NOTCH2: variants seen among roughly 807,000 people sequenced by gnomAD.
The protein encoded by NOTCH2 is neurogenic locus notch homolog protein 2.
Under a neutral mutation model 235.8 loss-of-function variants are expected in NOTCH2, and 29 were observed. That is an observed-to-expected ratio of 0.12 (90% CI 0.09 to 0.17). NOTCH2 has a LOEUF of 0.17. Ranked by LOEUF, NOTCH2 falls within the 10% of genes least tolerant of loss-of-function variation. The pLI is 1.00. For synonymous variants in NOTCH2, 1,086 were observed against 1,141.5 expected (o/e 0.95, Z 0.98); for missense variants, 2,285 against 3,150.2 (o/e 0.73, Z 6.57).
At chr1:119,967,866 C>CAT in intron 7 of NOTCH2, among the ~76,000 whole-genome samples, 1 of 152,252 alleles carries the variant, frequency 6.6e-6, no homozygotes, top group Non-Finnish European at 1.5e-5. Context: ...TATTAAGAAT[C>CAT]AAGTACATAC....
chr1:119,991,832 A>C (rs1652258553), intron 4 of NOTCH2, among the ~76,000 whole-genome samples: 1 of 128,308 alleles, frequency 7.8e-6, no homozygotes. Context: ...GTCTCAAAAA[A>C]AAAAAAAAAA....
At chr1:119,936,542 C>A (rs1451241590) in intron 21 of NOTCH2, among the ~76,000 whole-genome samples, 1 of 152,134 alleles carries the variant, frequency 6.6e-6, no homozygotes, top group Admixed American at 6.5e-5. Flanking sequence ...TTGGGTTTGG[C>A]ACTGGTAGGC....
At chr1:119,980,852 T>G (rs1553201563) in intron 5 of NOTCH2, among the ~76,000 whole-genome samples, 1 of 152,210 alleles carries the variant, frequency 6.6e-6, no homozygotes, top group African/African-American at 2.4e-5. Context: ...GGCAAGCTTC[T>G]AAGGCTGTAC....
rs587652698 is a variant in NOTCH2 at position 120,053,637 on chromosome 1, T to C, written c.73+15697A>G. ...TGAAGTTACTAGACAATAGTACTTT[T>C]AGTCTACTCTTTAGGTGATCCATAA... is the stretch of plus-strand genomic sequence containing the variant. On this transcript the variant is annotated intron_variant, in intron 1 of 33. Transcript: ENST00000256646. Among the ~76,000 whole-genome samples, 1,141 of 140,146 alleles carry C rather than the reference T, an allele frequency of 8.1e-3. 22 individuals are homozygous for C. Among genetic ancestry groups the C allele is most frequent in the Non-Finnish European group, 0.011 (717 of 66,330 alleles). 91.9% of individuals were successfully genotyped at this position (140,146 alleles called of 152,430 possible).
intron 19 of NOTCH2, among the ~76,000 whole-genome samples, chr1:119,939,024 G>A (rs1557813035): frequency 6.6e-6 from 1 of 152,148 alleles, no homozygotes; most frequent in Non-Finnish European, 1.5e-5. Flanking sequence ...TCAGGTTCAT[G>A]AGTGGCCAGA....
rs1553194829 is a variant in NOTCH2, at chr1:119,929,205, G to C, written c.3663C>G (p.Leu1221=). ...CSCPPGTRGL[L]CEENIDDCAR... is the part of the protein sequence containing the mutation. The stretch of plus-strand genomic sequence containing the variant: ...CACAGTCATCAATGTTCTCTTCACA[G>C]AGTAGGCCTGGAGGAAAGAGAAGAG... The change falls in exon 23 of 34, where the codon CTC becomes CTG. Residue 1221 remains leucine (L), a synonymous_variant. Coordinates refer to ENST00000256646, the MANE Select transcript of NOTCH2 (RefSeq NM_024408.4). 1.2e-6 allele frequency: 2 copies of C among 1,613,130 alleles called. No individual in the cohort carries two copies. Among genetic ancestry groups the C allele is most frequent in the Non-Finnish European group, 1.7e-6 (2 of 1,179,028 alleles).
chr1:120,048,048 T>C (rs1178898952), intron 1 of NOTCH2, among the ~76,000 whole-genome samples: 5 of 152,014 alleles, frequency 3.3e-5, no homozygotes, highest in Admixed American at 6.5e-5. Flanking sequence ...TTAACAGGCA[T>C]GAGCCACCAT....
chr1:120,066,355 G>T (rs1570801333), intron 1 of NOTCH2, among the ~76,000 whole-genome samples: 1 of 148,090 alleles, frequency 6.8e-6, no homozygotes, highest in Admixed American at 6.7e-5. Context: ...AAAAAATATG[G>T]ATTCTCAAAC....
chr1:119,967,353 T>C (rs1382130282), intron 8 of NOTCH2, 80 bp downstream of exon 8: 4 of 1,229,084 alleles, frequency 3.3e-6, no homozygotes, highest in Non-Finnish European at 4.8e-6. Flanking sequence ...CAGACTGCAA[T>C]AGTATACTGA....
intron 17 of NOTCH2, among the ~76,000 whole-genome samples, chr1:119,946,602 C>CA (rs1650262440): frequency 6.6e-6 from 1 of 151,776 alleles, no homozygotes; most frequent in African/African-American, 2.4e-5. Flanking sequence ...AATTGCACAC[C>CA]AAAAAATCAA....
chr1:119,964,792 A>G (rs1553199460), intron 10 of NOTCH2, among the ~76,000 whole-genome samples: 1 of 152,208 alleles, frequency 6.6e-6, no homozygotes, highest in African/African-American at 2.4e-5. Flanking sequence ...TTTCTGTATA[A>G]TATTTGCCTG....
rs1264077860 is a variant in NOTCH2 at position 119,916,039 on chromosome 1, T to G, written c.6683A>C (p.His2228Pro). The stretch of plus-strand genomic sequence containing the variant: ...GCCACTGCCTGGAGACACAATGTGG[T>G]GGTGGGATAGCAACTGGCTCACTGA... Reference protein sequence around the residue: ...LPSVSQLLSHHHIVSPGSGSA... With the variant: ...LPSVSQLLSHPHIVSPGSGSA... The change falls in exon 34 of 34, where the codon CAC becomes CCC. Residue 2228 changes from histidine (H) to proline (P), a missense_variant. Physicochemically the swap from His to Pro is moderately conservative, Grantham distance 77 (BLOSUM62 -2). Coordinates refer to ENST00000256646, the MANE Select transcript of NOTCH2 (RefSeq NM_024408.4). 6.2e-7 allele frequency: 1 copy of G among 1,613,782 alleles called. No homozygotes were observed. Among genetic ancestry groups the G allele is most frequent in the East Asian group, 2.2e-5 (1 of 44,874 alleles).
intron 4 of NOTCH2, among the ~76,000 whole-genome samples, chr1:119,987,753 T>C (rs1402217072): frequency 1.3e-5 from 2 of 152,188 alleles, no homozygotes; most frequent in African/African-American, 2.4e-5. Flanking sequence ...ATACAAATGT[T>C]AAAAGGTATC....
At position 119,949,408 on chromosome 1, in the gene NOTCH2, A is replaced by G. The variant is rs587745983; in HGVS notation, c.2480-282T>C. ...CTTTTTTTTTTTTTTTTTTTTTGAGACGGAGTCTCACTCTGACTCTCAGGC... is the reference window on the plus strand; with the variant it reads ...CTTTTTTTTTTTTTTTTTTTTTGAGGCGGAGTCTCACTCTGACTCTCAGGC... On this transcript the variant is annotated intron_variant, in intron 15 of 33. Coordinates refer to ENST00000256646, the MANE Select transcript of NOTCH2 (RefSeq NM_024408.4). Among the ~76,000 whole-genome samples the G allele has an allele frequency of 1.9e-4, 23 of 124,164 alleles. No individual in the cohort carries two copies. The South Asian group carries it at 5.5e-3, about 30-fold the overall frequency. The allele number at this position is 124,164 out of a possible 152,430, so 81.5% of individuals were successfully genotyped here.
At chr1:119,919,871 C>T (rs901240782) in intron 30 of NOTCH2, among the ~76,000 whole-genome samples, 8 of 152,164 alleles carry the variant, frequency 5.3e-5, no homozygotes, top group Non-Finnish European at 1.2e-4. Context: ...AGTTTAAGTG[C>T]TGTTATTTTA....
chr1:119,947,302 A>G (rs140381042), intron 17 of NOTCH2, among the ~76,000 whole-genome samples: 2 of 152,292 alleles, frequency 1.3e-5, no homozygotes, highest in African/African-American at 2.4e-5. Flanking sequence ...TAAAAATACA[A>G]AGAACTCTTT....
intron 11 of NOTCH2, 126 bp from the exon 12 acceptor site, chr1:119,959,628 G>A: frequency 1.4e-6 from 1 of 705,600 alleles, no homozygotes; most frequent in Non-Finnish European, 2.6e-6. Context: ...ACAGAATAAA[G>A]CAGAAGTTCT....
At chr1:119,922,609 T>C (rs1649325484) in intron 27 of NOTCH2, 27 bp downstream of exon 27, 3 of 1,613,500 alleles carry the variant, frequency 1.9e-6, no homozygotes, top group African/African-American at 1.3e-5. Flanking sequence ...CCCCGCCACC[T>C]TTCCCCTTTA....
chr1:119,970,143 G>A (rs372653674), intron 5 of NOTCH2, among the ~76,000 whole-genome samples: 62 of 151,972 alleles, frequency 4.1e-4, no homozygotes, highest in African/African-American at 1.5e-3. Context: ...AAACATTAGG[G>A]TAACTGTTCT....
Sources: allele counts gnomAD v4.1 joint callset (sites outside exome capture counted in the v4.1 genomes callset), GRCh38; gene constraint gnomAD v4.1.1; transcripts MANE v1.5; gene names NCBI Gene and HGNC (gene_info 2026-07-23, HGNC 2026-07-21).